Variants in NLGN1 observed in about 807,000 individuals in gnomAD.
NLGN1 encodes neuroligin 1, also known as neuroligin-1.
A neutral mutation model predicts 65.5 loss-of-function variants in NLGN1; 12 were observed. That is an observed-to-expected ratio of 0.18 (90% CI 0.12 to 0.30). The LOEUF is 0.30. Among genes scored for constraint, NLGN1 ranks in the 10% least tolerant of loss-of-function variants. The pLI is 1.00. For missense variants in NLGN1, 750 were observed against 1,007.1 expected (o/e 0.74, Z 3.46); for synonymous variants, 350 against 359.5 (o/e 0.97, Z 0.30).
At chr3:173,490,291 C>G (rs2149006128) in intron 2 of NLGN1, among the ~76,000 whole-genome samples, 1 of 152,194 alleles carries the variant, frequency 6.6e-6, no homozygotes, top group Non-Finnish European at 1.5e-5. Flanking sequence ...GGAAGGGATC[C>G]AGTTTCAGCT....
chr3:174,084,787 G>A (rs1162758197), intron 4 of NLGN1, among the ~76,000 whole-genome samples: 6 of 151,944 alleles, frequency 3.9e-5, no homozygotes, highest in Non-Finnish European at 7.4e-5. Flanking sequence ...ATTCAATCAT[G>A]ATTCATGTTT....
chr3:174,133,190 A>G (rs755230408), intron 4 of NLGN1, among the ~76,000 whole-genome samples: 23 of 152,224 alleles, frequency 1.5e-4, no homozygotes, highest in Non-Finnish European at 2.9e-4. Flanking sequence ...GTAACATTAC[A>G]GTGTGTAGGA....
intron 2 of NLGN1, among the ~76,000 whole-genome samples, chr3:173,600,588 A>AACCTTTTTTTTTTTTTTTTTTTT (rs1560029121): frequency 1.6e-5 from 2 of 128,684 alleles, no homozygotes; most frequent in African/African-American, 5.4e-5. Flanking sequence ...AAATAAAAAC[A>AACCTTTTTTTTTTTTTTTTTTTT]TATCTTTTTT....
chr3:173,819,418 C>G (rs149302117), intron 4 of NLGN1, among the ~76,000 whole-genome samples: 222 of 152,268 alleles, frequency 1.5e-3, no homozygotes, highest in African/African-American at 5.2e-3. Flanking sequence ...TCCTGTCATT[C>G]CAGATCTGCT....
chr3:173,828,695 C>G (rs965532388), intron 4 of NLGN1, among the ~76,000 whole-genome samples: 15 of 151,880 alleles, frequency 9.9e-5, no homozygotes, highest in Admixed American at 2.6e-4. Context: ...AGTAGGGTAG[C>G]CAGAGAAGGC....
chr3:173,830,289 G>A (rs943571808), intron 4 of NLGN1, among the ~76,000 whole-genome samples: 12 of 152,148 alleles, frequency 7.9e-5, no homozygotes, highest in Non-Finnish European at 1.5e-5. Context: ...GGGAAGTCAT[G>A]TAGCCAGTGA....
In NLGN1 at chr3:174,218,045, A is replaced by G. The variant is rs1243909948; in HGVS notation, c.647-57270A>G. Among the ~76,000 whole-genome samples the G allele has an allele frequency of 9.2e-5, 14 of 152,200 alleles. No individual in the cohort carries two copies. In the East Asian group the frequency reaches 2.7e-3, roughly 29 times the overall value. ...GGAAAATTGTCTTTGGCCCACTCAC[A>G]GCTCTTTTATGGCTTATACCAGCTT... On this transcript the variant is annotated intron_variant, in intron 4 of 6. Transcript: ENST00000457714.
chr3:173,576,033 A>C (rs371307905), intron 2 of NLGN1, among the ~76,000 whole-genome samples: 2 of 152,090 alleles, frequency 1.3e-5, no homozygotes, highest in Non-Finnish European at 2.9e-5. Context: ...CCAAGTTGAG[A>C]TGTACTCTAA....
intron 3 of NLGN1, among the ~76,000 whole-genome samples, chr3:173,806,847 A>T (rs967525980): frequency 2.0e-5 from 3 of 152,152 alleles, no homozygotes; most frequent in African/African-American, 7.2e-5. Context: ...TTGAACCCTA[A>T]ATCTTGACAC....
chr3:174,276,963 C>A (rs1750702930), intron 5 of NLGN1, among the ~76,000 whole-genome samples: 1 of 151,802 alleles, frequency 6.6e-6, no homozygotes, highest in Admixed American at 6.6e-5. Flanking sequence ...TGAAAGCCAC[C>A]TTTAGCTAGT....
intron 4 of NLGN1, among the ~76,000 whole-genome samples, chr3:174,093,308 G>A (rs1744880129): frequency 6.6e-6 from 1 of 152,174 alleles, no homozygotes; most frequent in Admixed American, 6.5e-5. Flanking sequence ...ATAAGTGCAA[G>A]TAATAAAGAT....
chr3:173,611,783 C>T (rs943342362), intron 3 of NLGN1, among the ~76,000 whole-genome samples: 5 of 152,000 alleles, frequency 3.3e-5, no homozygotes, highest in African/African-American at 1.2e-4. Context: ...TATAGTTGTC[C>T]AATTCAATTT....
intron 4 of NLGN1, among the ~76,000 whole-genome samples, chr3:174,051,528 G>C (rs1734868892): frequency 6.6e-6 from 1 of 152,010 alleles, no homozygotes; most frequent in African/African-American, 2.4e-5. Context: ...ATGGCTCTTT[G>C]CTCATAGCCT....
chr3:174,053,841 C>CT (rs1283487391), intron 4 of NLGN1, among the ~76,000 whole-genome samples: 1 of 151,948 alleles, frequency 6.6e-6, no homozygotes, highest in Non-Finnish European at 1.5e-5. Flanking sequence ...CACATGATTA[C>CT]TTTAGAAATT....
intron 4 of NLGN1, among the ~76,000 whole-genome samples, chr3:173,961,799 C>A (rs1389076303): frequency 6.6e-6 from 1 of 151,982 alleles, no homozygotes; most frequent in Non-Finnish European, 1.5e-5. Flanking sequence ...AATAACATTA[C>A]CTCACATAAG....
intron 3 of NLGN1, among the ~76,000 whole-genome samples, chr3:173,728,232 A>T (rs566197779): frequency 6.6e-6 from 1 of 152,098 alleles, no homozygotes; most frequent in Non-Finnish European, 1.5e-5. Context: ...TAGTGACAAG[A>T]TGTAAGTGAC....
At chr3:174,004,474 C>A (rs1723959834) in intron 4 of NLGN1, among the ~76,000 whole-genome samples, 1 of 152,020 alleles carries the variant, frequency 6.6e-6, no homozygotes, top group South Asian at 2.1e-4. Context: ...TTTTATATAT[C>A]TTTTTTTATC....
At chr3:173,749,853 A>G (rs1194946417) in intron 3 of NLGN1, among the ~76,000 whole-genome samples, 1 of 152,082 alleles carries the variant, frequency 6.6e-6, no homozygotes, top group African/African-American at 2.4e-5. Context: ...CCTTTGTAAC[A>G]GGGTGACTAT....
chr3:173,685,668 C>T (rs1197164163), intron 3 of NLGN1: 7 of 985,130 alleles, frequency 7.1e-6, no homozygotes, highest in African/African-American at 3.5e-5. Flanking sequence ...GGAAAGATAG[C>T]TATGTCATGT....
Sources: allele counts gnomAD v4.1 joint callset (sites outside exome capture counted in the v4.1 genomes callset), GRCh38; gene constraint gnomAD v4.1.1; transcripts MANE v1.5; gene names NCBI Gene and HGNC (gene_info 2026-07-23, HGNC 2026-07-21).